The following PACS1 variants were observed in gnomAD, a reference collection of about 807,000 sequenced individuals.
PACS1 encodes phosphofurin acidic cluster sorting protein 1, also known as PACS-1.
A neutral mutation model predicts 115.0 loss-of-function variants in PACS1; 24 were observed. That is an observed-to-expected ratio of 0.21 (90% CI 0.15 to 0.29). PACS1 has a LOEUF of 0.29. Among genes scored for constraint, PACS1 ranks in the 10% least tolerant of loss-of-function variants. The pLI, the probability that PACS1 is intolerant of heterozygous loss-of-function variation, is 1.00. For missense variants in PACS1, 838 were observed against 1,251.2 expected (o/e 0.67, Z 4.98); for synonymous variants, 453 against 504.5 (o/e 0.90, Z 1.37).
At chr11:66,084,454 C>A (rs951837901) in intron 1 of PACS1, among the ~76,000 whole-genome samples, 1 of 151,946 alleles carries the variant, frequency 6.6e-6, no homozygotes, top group Non-Finnish European at 1.5e-5. Context: ...TTTGAGCCAG[C>A]GAGGAGGCAT....
At chr11:66,214,403 C>T (rs1465167927) in intron 4 of PACS1, among the ~76,000 whole-genome samples, 1 of 152,128 alleles carries the variant, frequency 6.6e-6, no homozygotes, top group Non-Finnish European at 1.5e-5. Flanking sequence ...ACCTATAGGC[C>T]TGGCCTCACC....
chr11:66,200,520 A>G (rs1032972881), intron 2 of PACS1, among the ~76,000 whole-genome samples: 1 of 152,220 alleles, frequency 6.6e-6, no homozygotes, highest in Non-Finnish European at 1.5e-5. Flanking sequence ...ATATCAGACA[A>G]AATAGATTTC....
intron 1 of PACS1, among the ~76,000 whole-genome samples, chr11:66,102,867 G>A (rs1023979914): frequency 6.6e-6 from 1 of 151,534 alleles, no homozygotes; most frequent in Non-Finnish European, 1.5e-5. Flanking sequence ...ATCTTACTCT[G>A]TGTCCCAGGC....
Position 66,208,215 on chromosome 11 carries a change from C to A in PACS1, c.445-2147C>A, listed in dbSNP as rs143390646. ...CGTTTTTCCATGTGTGGAGTTTTCC[C>A]CTAAGGGTCAGCACCGCGGCATAGT... On this transcript the variant is annotated intron_variant, in intron 2 of 23. Coordinates refer to ENST00000320580, the MANE Select transcript of PACS1 (RefSeq NM_018026.4). Among the ~76,000 whole-genome samples, 426 of 152,292 alleles carry A rather than the reference C, an allele frequency of 2.8e-3. 2 individuals are homozygous for A. The highest frequency in any genetic ancestry group is 4.2e-3 in the Non-Finnish European group (284 of 68,014).
intron 2 of PACS1, among the ~76,000 whole-genome samples, chr11:66,208,584 G>A (rs1854996996): frequency 6.6e-6 from 1 of 151,114 alleles, no homozygotes; most frequent in Admixed American, 6.6e-5. Context: ...GGAGGCTGAA[G>A]TGGAAAGATC....
At chr11:66,139,046 GA>G (rs1168770359) in intron 1 of PACS1, among the ~76,000 whole-genome samples, 1 of 152,102 alleles carries the variant, frequency 6.6e-6, no homozygotes, top group African/African-American at 2.4e-5. Context: ...GAGAACCACT[GA>G]AAAAGAGAAG....
In PACS1 at chr11:66,215,445, A is replaced by G. The variant is rs187461375; in HGVS notation, c.661-674A>G. Among the ~76,000 whole-genome samples, 619 of 151,916 alleles carry G rather than the reference A, an allele frequency of 4.1e-3. 5 individuals are homozygous for G. Among genetic ancestry groups the G allele is most frequent in the African/African-American group, 0.014 (567 of 41,456 alleles). ...TAGTGAGACCCCATCTCTACATAAA[A>G]TTTAAAAATTAGCCAGGCATGGTGG... On this transcript the variant is annotated intron_variant, in intron 4 of 23. Transcript: ENST00000320580.
chr11:66,187,086 A>C (rs1365450589), intron 1 of PACS1, among the ~76,000 whole-genome samples: 1 of 152,182 alleles, frequency 6.6e-6, no homozygotes, highest in African/African-American at 2.4e-5. Flanking sequence ...TTTTTTGTGT[A>C]CTACATTTTG....
At chr11:66,119,055 A>G (rs1025294519) in intron 1 of PACS1, among the ~76,000 whole-genome samples, 3 of 152,214 alleles carry the variant, frequency 2.0e-5, no homozygotes, top group Admixed American at 6.5e-5. Context: ...GGGTGGCCCA[A>G]GAAGGCTTCC....
At chr11:66,103,814 G>A (rs1026580391) in intron 1 of PACS1, among the ~76,000 whole-genome samples, 4 of 151,842 alleles carry the variant, frequency 2.6e-5, no homozygotes, top group African/African-American at 9.7e-5. Flanking sequence ...GTGCCCAGCT[G>A]GAAAATTTTT....
intron 1 of PACS1, among the ~76,000 whole-genome samples, chr11:66,138,048 A>T (rs372381986): frequency 6.6e-6 from 1 of 151,992 alleles, no homozygotes; most frequent in African/African-American, 2.4e-5. Flanking sequence ...GCAAATTCTG[A>T]TTCAGTAGGT....
intron 1 of PACS1, among the ~76,000 whole-genome samples, chr11:66,091,671 C>A (rs547699923): frequency 6.6e-6 from 1 of 151,844 alleles, no homozygotes; most frequent in South Asian, 2.1e-4. Context: ...TCCCTCCCCC[C>A]TCCTCCCACC....
In PACS1 at chr11:66,080,998, G is replaced by A. The variant is rs117778657; in HGVS notation, c.356+10156G>A. On this transcript the variant is annotated intron_variant, in intron 1 of 23. Coordinates refer to ENST00000320580, the MANE Select transcript of PACS1 (RefSeq NM_018026.4). ...AACCCCAGCAATTTGGGAGGCTGAG[G>A]TGGAAGGATTGCTTGAGCCCAGGAG... Among the ~76,000 whole-genome samples, 1,269 of 152,256 alleles carry A rather than the reference G, an allele frequency of 8.3e-3. 88 individuals carry two copies. The East Asian group carries it at 0.17, about 21-fold the overall frequency.
Position 66,235,380 on chromosome 11 carries a change from C to A in PACS1, c.2184C>A (p.Ala728=). 2 of 1,613,790 alleles carry A rather than the reference C, an allele frequency of 1.2e-6. No individual in the cohort carries two copies. Among genetic ancestry groups the A allele is most frequent in the Non-Finnish European group, 1.7e-6 (2 of 1,179,716 alleles). Residue 728 remains alanine, a synonymous_variant, in exon 18 of 24, where the codon GCC becomes GCA. Transcript: ENST00000320580. This position sits in a 1 kb window ranked among gnomAD's most constrained non-coding sequence, Gnocchi z 5.6. ...CACACCAGCTTCCCGTGGCCGAAGC[C>A]ATGCTGACTTGCCGGCATAAGTTGT... is the stretch of plus-strand genomic sequence containing the variant. The part of the protein sequence containing the change: ...ATTHQLPVAE[A]MLTCRHKFPD...
At chr11:66,091,402 A>G (rs1857657218) in intron 1 of PACS1, among the ~76,000 whole-genome samples, 1 of 152,042 alleles carries the variant, frequency 6.6e-6, no homozygotes, top group South Asian at 2.1e-4. Context: ...CGGCCTCCCA[A>G]AGTGCTAGGA....
rs4013918 is a variant in PACS1, at chr11:66,165,719, T to TTATA, written c.357-27759_357-27756dup. ...TATTTGCCCCATACCCTGTGGGTAT[T>TTATA]TATATATATATGTATTAAGGGTAAA... On this transcript the variant is annotated intron_variant, in intron 1 of 23. Transcript: ENST00000320580. Among the ~76,000 whole-genome samples the TTATA allele has an allele frequency of 2.0e-5, 3 of 151,716 alleles. 1 individual carries two copies. The highest frequency in any genetic ancestry group is 6.3e-3 in the Middle Eastern group (2 of 316).
chr11:66,121,108 C>T (rs751125084), intron 1 of PACS1: 1 of 454,980 alleles, frequency 2.2e-6, no homozygotes, highest in South Asian at 1.6e-5. Context: ...CATGTGCTTA[C>T]TTTGTATCTC....
chr11:66,113,689 G>C (rs1193219088), intron 1 of PACS1, among the ~76,000 whole-genome samples: 1 of 152,194 alleles, frequency 6.6e-6, no homozygotes, highest in Non-Finnish European at 1.5e-5. Context: ...TCCTGTTCCT[G>C]TTAATACAGC....
At chr11:66,166,427 G>A (rs1198808181) in intron 1 of PACS1, among the ~76,000 whole-genome samples, 1 of 152,126 alleles carries the variant, frequency 6.6e-6, no homozygotes, top group Non-Finnish European at 1.5e-5. Flanking sequence ...GATCACAGGC[G>A]TGAGCCACCA....
Sources: gnomAD v4.1 joint callset for allele counts (sites outside exome capture counted in the v4.1 genomes callset) on GRCh38, gnomAD v4.1.1 for gene constraint, Gnocchi (gnomAD v3.1) non-coding constraint, MANE v1.5 for transcripts, NCBI Gene and HGNC (gene_info 2026-07-23, HGNC 2026-07-21) for gene names.